The following NUP210 variants were observed in gnomAD, a reference collection of about 807,000 sequenced individuals.
NUP210 encodes nucleoporin 210.
NUP210 carries 151 observed loss-of-function variants against 196.0 expected under a neutral mutation model. That is an observed-to-expected ratio of 0.77 (90% CI 0.67 to 0.88). NUP210 has a LOEUF of 0.88. Ranked by LOEUF, NUP210 falls within the 40% of genes least tolerant of loss-of-function variation. The probability of loss-of-function intolerance (pLI) is 0.00; values close to 1 mark genes in which losing one functional copy is unlikely to be tolerated. For missense variants in NUP210, 2,314 were observed against 2,493.7 expected (o/e 0.93, Z 1.53); for synonymous variants, 1,070 against 1,052.7 (o/e 1.02, Z -0.32).
Position 13,420,116 on chromosome 3 carries a change from GA to G in NUP210, c.110del (p.Phe37SerfsTer50). The G allele has an allele frequency of 7.2e-7, 1 of 1,385,022 alleles. No individual in the cohort carries two copies. Among genetic ancestry groups the G allele is most frequent in the Non-Finnish European group, 9.5e-7 (1 of 1,048,622 alleles). The allele number at this position is 1,385,022 out of a possible 1,614,324, so 85.8% of individuals were successfully genotyped here. On this transcript the variant is annotated frameshift_variant, in exon 1 of 40. Transcript: ENST00000254508. LOFTEE classifies it high-confidence loss of function. This position sits in a 1 kb window ranked among gnomAD's most constrained non-coding sequence, Gnocchi z 4.8. The stretch of plus-strand genomic sequence containing the variant: ...TGAAGTTAACGCGCGTGGCCCGCGT[GA>G]AGGGCAGCAGCACTTTGGGGATGTT... ...KLNIPKVLLP[F>X]TRATRVNFTL...
chr3:13,410,154 G>A (rs1700120415), intron 1 of NUP210, among the ~76,000 whole-genome samples: 2 of 150,780 alleles, frequency 1.3e-5, no homozygotes, highest in Admixed American at 1.3e-4. Flanking sequence ...GAGCCACTGT[G>A]CCCAGCTATT....
chr3:13,329,486 G>C (rs1045843523), intron 30 of NUP210, among the ~76,000 whole-genome samples: 1 of 152,180 alleles, frequency 6.6e-6, no homozygotes, highest in African/African-American at 2.4e-5. Context: ...GTGCTCCAAA[G>C]GTCTGAATTT....
intron 28 of NUP210, among the ~76,000 whole-genome samples, chr3:13,333,140 G>C (rs1697068370): frequency 6.6e-6 from 1 of 152,224 alleles, no homozygotes; most frequent in South Asian, 2.1e-4. Context: ...AGCCTCATGA[G>C]GTCGGCTCAG....
chr3:13,416,928 T>C (rs1423563190), intron 1 of NUP210, among the ~76,000 whole-genome samples: 5 of 152,246 alleles, frequency 3.3e-5, no homozygotes, highest in African/African-American at 1.2e-4. Flanking sequence ...TATGGCATGA[T>C]TTCTTTTTCG....
chr3:13,380,910 C>G (rs932506194), intron 6 of NUP210, among the ~76,000 whole-genome samples: 3 of 152,192 alleles, frequency 2.0e-5, no homozygotes, highest in Non-Finnish European at 4.4e-5. Context: ...CATTGGGTCC[C>G]CAAAGTGTGG....
intron 9 of NUP210, 41 bp downstream of exon 9, chr3:13,377,415 C>G: frequency 6.9e-7 from 1 of 1,446,656 alleles, no homozygotes; most frequent in Non-Finnish European, 9.7e-7. Context: ...AGACAACGAC[C>G]CCACCTCATC....
At chr3:13,337,682 G>A (rs1202185703) in intron 26 of NUP210, among the ~76,000 whole-genome samples, 155 bp downstream of exon 26, 2 of 152,192 alleles carry the variant, frequency 1.3e-5, no homozygotes, top group African/African-American at 2.4e-5. Flanking sequence ...AGAGAGCAAT[G>A]GAGGGTGTCT....
chr3:13,321,495 C>T (rs1167878377), intron 36 of NUP210, 90 bp downstream of exon 36: 2 of 1,380,624 alleles, frequency 1.4e-6, no homozygotes, highest in African/African-American at 1.4e-5. Context: ...AGAGCTGGCC[C>T]AGGACATCCA....
intron 1 of NUP210, among the ~76,000 whole-genome samples, chr3:13,403,964 C>A (rs559827153): frequency 6.6e-6 from 1 of 152,194 alleles, no homozygotes; most frequent in Admixed American, 6.5e-5. Flanking sequence ...TGCAGATCCC[C>A]GCTCCCCTGG....
rs1368529084 is a variant in NUP210, at chr3:13,371,996, G to T, written c.1624C>A (p.Pro542Thr). Residue 542 changes from proline to threonine, a missense_variant, in exon 13 of 40, where the codon CCG (proline) becomes ACG (threonine). Coordinates refer to ENST00000254508, the MANE Select transcript of NUP210 (RefSeq NM_024923.4). Reference protein sequence around the residue: ...VIEPHSMEFAPCQVEARVGQA... With the variant: ...VIEPHSMEFATCQVEARVGQA... ...CCCACACGTGCCTCCACCTGGCACG[G>T]GGCAAACTCCATGCTGTGGGGCTCG... 2 of 1,595,252 alleles carry T rather than the reference G, an allele frequency of 1.3e-6. No homozygotes were observed. The highest frequency in any genetic ancestry group is 2.3e-5 in the East Asian group (1 of 44,032).
At chr3:13,413,582 G>T (rs1391266142) in intron 1 of NUP210, among the ~76,000 whole-genome samples, 1 of 152,208 alleles carries the variant, frequency 6.6e-6, no homozygotes, top group African/African-American at 2.4e-5. Flanking sequence ...TAAGTCCTGG[G>T]GGGAAGCTGC....
intron 14 of NUP210, among the ~76,000 whole-genome samples, chr3:13,365,502 G>A (rs535015591): frequency 9.8e-5 from 15 of 152,340 alleles, no homozygotes; most frequent in African/African-American, 3.6e-4. Context: ...GATCCTCTCT[G>A]ACCCCAGTCT....
At position 13,321,607 on chromosome 3, in the gene NUP210, G is replaced by A. The variant is rs759434433; in HGVS notation, c.5144C>T (p.Pro1715Leu). ...CACCTCCAAGTTCTCCAGAACCTCCGGGGCACCAAAGACCCTGATCTCGGA... is the reference window on the plus strand; with the variant it reads ...CACCTCCAAGTTCTCCAGAACCTCCAGGGCACCAAAGACCCTGATCTCGGA... ...TSSEIRVFGAPEVLENLEVKS... is the reference protein window; with the variant it reads ...TSSEIRVFGALEVLENLEVKS... Residue 1715 changes from proline (P) to leucine (L), a missense_variant, in exon 36 of 40, where the codon CCG becomes CTG. Coordinates refer to ENST00000254508, the MANE Select transcript of NUP210 (RefSeq NM_024923.4). 7.4e-5 allele frequency: 120 copies of A among 1,613,822 alleles called. No individual in the cohort carries two copies. The highest frequency in any genetic ancestry group is 9.6e-5 in the Non-Finnish European group (113 of 1,179,888).
intron 16 of NUP210, among the ~76,000 whole-genome samples, chr3:13,356,592 G>A (rs1445904303): frequency 6.6e-6 from 1 of 152,156 alleles, no homozygotes; most frequent in Non-Finnish European, 1.5e-5. Context: ...GCAGTGAGCC[G>A]AGATTGCGCC....
At chr3:13,351,715 C>A (rs1697979459) in intron 20 of NUP210, 164 bp downstream of exon 20, 1 of 600,774 alleles carries the variant, frequency 1.7e-6, no homozygotes, top group Non-Finnish European at 3.0e-6. Flanking sequence ...CCAGGCTGGT[C>A]TTGAACTCCT....
At chr3:13,343,711 G>GC (rs2124865325) in intron 20 of NUP210, among the ~76,000 whole-genome samples, 1 of 152,328 alleles carries the variant, frequency 6.6e-6, no homozygotes, top group African/African-American at 2.4e-5. Context: ...GCCACATCCT[G>GC]AGCTGGCCAC....
At chr3:13,343,045 G>T in intron 21 of NUP210, 130 bp downstream of exon 21, 1 of 1,118,706 alleles carries the variant, frequency 8.9e-7, no homozygotes, top group Non-Finnish European at 1.3e-6. Context: ...AGCTCCGCAA[G>T]CTCACAGGGG....
chr3:13,387,646 A>T (rs1699319255), intron 5 of NUP210, among the ~76,000 whole-genome samples: 1 of 152,244 alleles, frequency 6.6e-6, no homozygotes, highest in African/African-American at 2.4e-5. Flanking sequence ...TCCAGACACT[A>T]GGCAAACAAA....
At chr3:13,415,647 G>A (rs531878524) in intron 1 of NUP210, among the ~76,000 whole-genome samples, 1 of 152,314 alleles carries the variant, frequency 6.6e-6, no homozygotes, top group East Asian at 1.9e-4. Flanking sequence ...GCCTCCCGTC[G>A]AATTCAACTC....
Sources: gnomAD v4.1 joint callset for allele counts (sites outside exome capture counted in the v4.1 genomes callset) on GRCh38, gnomAD v4.1.1 for gene constraint, Gnocchi (gnomAD v3.1) non-coding constraint, MANE v1.5 for transcripts, NCBI Gene and HGNC (gene_info 2026-07-23, HGNC 2026-07-21) for gene names.